LAMA2: variants seen among roughly 807,000 people sequenced by gnomAD.
The protein encoded by LAMA2 is laminin subunit alpha 2, also known as laminin subunit alpha-2.
Under a neutral mutation model 364.8 loss-of-function variants are expected in LAMA2, and 269 were observed. The ratio of observed to expected loss-of-function variants is 0.74; its 90% CI spans 0.67 to 0.82. The LOEUF (loss-of-function observed/expected upper bound fraction) is 0.82, where lower values mean the gene tolerates loss of function less well. LAMA2 is among the 40% of genes least tolerant of loss of function. The pLI is 0.00. For synonymous variants in LAMA2, 1,379 were observed against 1,370.6 expected, an observed-to-expected ratio of 1.01 and a Z score of -0.14; for missense variants, 3,807 against 3,873.2, an observed-to-expected ratio of 0.98 and a Z score of 0.45.
chr6:129,267,325 A>T (rs1164355647), intron 16 of LAMA2, 106 bp downstream of exon 16: 1 of 802,070 alleles, frequency 1.2e-6, no homozygotes, highest in East Asian at 2.4e-5. Flanking sequence ...TTGAGTCAAG[A>T]AGTGCTTTGA....
chr6:129,051,719 TAG>T (rs1319470383), intron 2 of LAMA2, among the ~76,000 whole-genome samples: 11 of 122,156 alleles, frequency 9.0e-5, no homozygotes, highest in African/African-American at 1.4e-4. Context: ...TCTATATCTA[TAG>T]ATAGATATAT....
intron 10 of LAMA2, among the ~76,000 whole-genome samples, chr6:129,188,918 C>T (rs898780790): frequency 1.3e-5 from 2 of 151,998 alleles, no homozygotes; most frequent in African/African-American, 4.8e-5. Context: ...CTATCTTCTG[C>T]TCAATCTGGG....
Position 129,315,530 on chromosome 6 carries a change from C to T in LAMA2, c.3610C>T (p.His1204Tyr), listed in dbSNP as rs771668852. ...ILPLVDEALQHTTTKGIVFQH... is the reference protein window; with the variant it reads ...ILPLVDEALQYTTTKGIVFQH... Reference sequence around the variant, plus strand: ...ACCCCTGGTAGATGAGGCTCTGCAGCACACGACCACCAAGGGCATTGTTTT... The same window carrying T: ...ACCCCTGGTAGATGAGGCTCTGCAGTACACGACCACCAAGGGCATTGTTTT... The change falls in exon 25 of 65, where the codon CAC becomes TAC. Residue 1204 changes from histidine to tyrosine, a missense_variant. Transcript: ENST00000421865. 1.8e-5 allele frequency: 29 copies of T among 1,614,058 alleles called. No individual in the cohort carries two copies. Among genetic ancestry groups the T allele is most frequent in the Non-Finnish European group, 2.4e-5 (28 of 1,180,018 alleles).
In LAMA2 at chr6:129,442,234, A is replaced by G. The variant is rs758519410; in HGVS notation, c.6269-829A>G. ...GCATCCTAGCCTCAAATCAAATCCT[A>G]TGGATGCTATGATATAATAGACATT... On this transcript the variant is annotated intron_variant, in intron 43 of 64. Coordinates refer to ENST00000421865, the MANE Select transcript of LAMA2 (RefSeq NM_000426.4). 34 of 1,312,576 alleles carry G rather than the reference A, an allele frequency of 2.6e-5. No individual in the cohort carries two copies. Among genetic ancestry groups the G allele is most frequent in the Non-Finnish European group, 3.3e-5 (33 of 991,436 alleles). 81.3% of individuals were successfully genotyped at this position (1,312,576 alleles called of 1,614,324 possible).
intron 4 of LAMA2, among the ~76,000 whole-genome samples, chr6:129,132,180 T>G (rs1777523811): frequency 6.6e-6 from 1 of 151,510 alleles, no homozygotes; most frequent in African/African-American, 2.4e-5. Context: ...TTTTTTTTTT[T>G]TTTTGAGACA....
chr6:129,402,347 A>G lies in LAMA2; in HGVS notation c.5586A>G (p.Lys1862=), dbSNP rs1780027625. The G allele has an allele frequency of 3.1e-6, 5 of 1,613,984 alleles. No homozygotes were observed. Among genetic ancestry groups the G allele is most frequent in the Non-Finnish European group, 4.2e-6 (5 of 1,179,906 alleles). Residue 1862 remains lysine (K), a synonymous_variant, in exon 39 of 65, where the codon AAA becomes AAG. Transcript: ENST00000421865. ...AGTATGTTGAAGACATCCAAACTAAATTGCCACCTATGTCTGAGGAGCTTA... is the reference window on the plus strand; with the variant it reads ...AGTATGTTGAAGACATCCAAACTAAGTTGCCACCTATGTCTGAGGAGCTTA... ...IIDYVEDIQT[K]LPPMSEELND...
chr6:129,359,600 C>T lies in LAMA2; in HGVS notation c.4717+6243C>T, dbSNP rs865834889. Among the ~76,000 whole-genome samples the T allele has an allele frequency of 2.3e-5, 3 of 129,822 alleles. 1 individual carries two copies. The South Asian group carries it at 8.0e-4, about 34-fold the overall frequency. The allele number at this position is 129,822 out of a possible 152,430, so 85.2% of individuals were successfully genotyped here. A position where few individuals can be genotyped will look rare whatever the true frequency, so the allele number is the denominator to read the frequency against. ...AAATAGAAAATTCAGATCCAGGGAACCGTCAATGGCATTCATCTAGGAGAG... is the reference window on the plus strand; with the variant it reads ...AAATAGAAAATTCAGATCCAGGGAATCGTCAATGGCATTCATCTAGGAGAG... On this transcript the variant is annotated intron_variant, in intron 32 of 64. Coordinates refer to ENST00000421865, the MANE Select transcript of LAMA2 (RefSeq NM_000426.4).
At chr6:129,182,525 AG>A (rs1206309529) in intron 10 of LAMA2, among the ~76,000 whole-genome samples, 1 of 151,936 alleles carries the variant, frequency 6.6e-6, no homozygotes, top group Admixed American at 6.6e-5. Flanking sequence ...ATCTGATAAA[AG>A]AAACAGTTAA....
rs535555128 is a variant in LAMA2 at position 129,194,210 on chromosome 6, T to TA, written c.1782+1367dup. 6.0e-3 allele frequency among the ~76,000 whole-genome samples: 891 copies of TA among 148,360 alleles called. 6 individuals carry two copies. Among genetic ancestry groups the TA allele is most frequent in the African/African-American group, 0.019 (780 of 40,550 alleles). ...AAAATATAAAAATATACTGTCAATT[T>TA]AAAAAAAAAACAACTGAGAGCTCCA... On this transcript the variant is annotated intron_variant, in intron 12 of 64. Coordinates refer to ENST00000421865, the MANE Select transcript of LAMA2 (RefSeq NM_000426.4).
intron 40 of LAMA2, among the ~76,000 whole-genome samples, chr6:129,415,197 C>G (rs1319543795): frequency 6.6e-6 from 1 of 152,068 alleles, no homozygotes; most frequent in Non-Finnish European, 1.5e-5. Context: ...TTGTGATGGT[C>G]AATAACATTT....
intron 1 of LAMA2, among the ~76,000 whole-genome samples, chr6:128,974,900 G>A (rs1463733756): frequency 6.7e-6 from 1 of 148,506 alleles, no homozygotes; most frequent in Admixed American, 6.8e-5. Context: ...TGCCCAGGCT[G>A]GAGTGCAGTG....
chr6:128,951,932 G>C (rs953183147), intron 1 of LAMA2, among the ~76,000 whole-genome samples: 1 of 152,176 alleles, frequency 6.6e-6, no homozygotes, highest in Admixed American at 6.6e-5. Flanking sequence ...TGGGAGGCTT[G>C]TGCAGGAGGA....
Position 129,146,997 on chromosome 6 carries a change from G to A in LAMA2, c.858G>A (p.Met286Ile), listed in dbSNP as rs1232542014. Reference sequence around the variant, plus strand: ...TCAAGGATATTTCAGTTGGAGGGATGTGCATCTGCTATGGTCATGCCAGGG... The same window carrying A: ...TCAAGGATATTTCAGTTGGAGGGATATGCATCTGCTATGGTCATGCCAGGG... ...YSVKDISVGG[M>I]CICYGHARAC... The change falls in exon 6 of 65, where the codon ATG becomes ATA. Residue 286 changes from methionine to isoleucine, a missense_variant. Transcript: ENST00000421865. 12 of 1,612,034 alleles carry A rather than the reference G, an allele frequency of 7.4e-6. No individual in the cohort carries two copies. The highest frequency in any genetic ancestry group is 4.2e-6 in the Non-Finnish European group (5 of 1,178,270).
At chr6:129,132,455 C>T (rs1029564991) in intron 4 of LAMA2, among the ~76,000 whole-genome samples, 1 of 152,078 alleles carries the variant, frequency 6.6e-6, no homozygotes, top group African/African-American at 2.4e-5. Flanking sequence ...CGTGAGCCAC[C>T]GCACCAGCCT....
intron 9 of LAMA2, among the ~76,000 whole-genome samples, chr6:129,170,548 TC>T (rs1780070363): frequency 7.7e-6 from 1 of 129,398 alleles, no homozygotes; most frequent in Admixed American, 7.4e-5. Flanking sequence ...TAATTTCTGT[TC>T]TTTTACATTT....
intron 12 of LAMA2, among the ~76,000 whole-genome samples, chr6:129,203,333 A>G (rs1782420689): frequency 6.6e-6 from 1 of 152,180 alleles, no homozygotes; most frequent in Admixed American, 6.5e-5. Context: ...GTTGGTTCTG[A>G]CACACTAGCC....
At chr6:129,509,493 G>C (rs1786391428) in intron 62 of LAMA2, among the ~76,000 whole-genome samples, 1 of 152,234 alleles carries the variant, frequency 6.6e-6, no homozygotes, top group Non-Finnish European at 1.5e-5. Flanking sequence ...GGATCTCTTA[G>C]ATTCAAGTCT....
intron 35 of LAMA2, among the ~76,000 whole-genome samples, chr6:129,390,678 A>G (rs778985253): frequency 2.9e-4 from 44 of 152,296 alleles, no homozygotes; most frequent in Non-Finnish European, 5.9e-4. Flanking sequence ...TCTAAAACTA[A>G]TAATATAACT....
chr6:128,911,362 G>T (rs949463965), intron 1 of LAMA2, among the ~76,000 whole-genome samples: 1 of 152,122 alleles, frequency 6.6e-6, no homozygotes, highest in Non-Finnish European at 1.5e-5. Flanking sequence ...TAAGCCCGTC[G>T]GAAAGGCGCA....
Sources: gnomAD v4.1 joint callset for allele counts (sites outside exome capture counted in the v4.1 genomes callset) on GRCh38, gnomAD v4.1.1 for gene constraint, MANE v1.5 for transcripts, NCBI Gene and HGNC (gene_info 2026-07-23, HGNC 2026-07-21) for gene names.